Variants in LRFN2 observed in about 807,000 individuals in gnomAD.
LRFN2 encodes leucine rich repeat and fibronectin type III domain containing 2, also known as leucine-rich repeat and fibronectin type-III domain-containing protein 2.
Under a neutral mutation model 37.3 loss-of-function variants are expected in LRFN2, and 18 were observed. That is an observed-to-expected ratio of 0.48 (90% CI 0.33 to 0.72). The LOEUF is 0.72. LRFN2 is among the 30% of genes least tolerant of loss of function. LRFN2 has a pLI of 0.02. For missense variants in LRFN2, 1,006 were observed against 1,060.7 expected (o/e 0.95, Z 0.72); for synonymous variants, 556 against 466.6 (o/e 1.19, Z -2.47).
chr6:40,578,410 T>C (rs1184240708), intron 1 of LRFN2, among the ~76,000 whole-genome samples: 1 of 152,184 alleles, frequency 6.6e-6, no homozygotes, highest in Non-Finnish European at 1.5e-5. Context: ...TAAGGTACAA[T>C]GAAAACCCCA....
chr6:40,523,350 C>T (rs1226456261), intron 1 of LRFN2, among the ~76,000 whole-genome samples: 1 of 152,072 alleles, frequency 6.6e-6, no homozygotes, highest in Non-Finnish European at 1.5e-5. Context: ...GGGTTTCACG[C>T]AAAATGGGGC....
At chr6:40,452,100 G>A (rs1764123966) in intron 1 of LRFN2, among the ~76,000 whole-genome samples, 1 of 152,112 alleles carries the variant, frequency 6.6e-6, no homozygotes. Context: ...AAAAGGCCAG[G>A]GGCACTAGTA....
chr6:40,401,303 G>A (rs1762735489), intron 2 of LRFN2, among the ~76,000 whole-genome samples: 3 of 152,126 alleles, frequency 2.0e-5, no homozygotes, highest in African/African-American at 7.2e-5. Flanking sequence ...TCTGGCTAAA[G>A]GGATGTGGAG....
At chr6:40,547,046 C>T (rs1042536712) in intron 1 of LRFN2, among the ~76,000 whole-genome samples, 7 of 150,870 alleles carry the variant, frequency 4.6e-5, no homozygotes, top group African/African-American at 1.7e-4. Flanking sequence ...CTGCAGCTAT[C>T]ATATTTTACG....
chr6:40,571,418 T>C (rs1767184283), intron 1 of LRFN2, among the ~76,000 whole-genome samples: 1 of 152,166 alleles, frequency 6.6e-6, no homozygotes, highest in Non-Finnish European at 1.5e-5. Flanking sequence ...GAGCCCCTCC[T>C]CTGACACCCA....
At chr6:40,491,057 T>C (rs934553980) in intron 1 of LRFN2, among the ~76,000 whole-genome samples, 1 of 152,128 alleles carries the variant, frequency 6.6e-6, no homozygotes, top group Non-Finnish European at 1.5e-5. Context: ...AGGGAAGCCA[T>C]GGCGGTGGAG....
intron 1 of LRFN2, among the ~76,000 whole-genome samples, chr6:40,518,374 G>C (rs1046247931): frequency 1.6e-4 from 25 of 152,178 alleles, no homozygotes; most frequent in African/African-American, 6.0e-4. Context: ...CTTTCCAGAG[G>C]GGAAAACTGA....
chr6:40,561,555 T>G (rs1766995013), intron 1 of LRFN2, among the ~76,000 whole-genome samples: 1 of 152,204 alleles, frequency 6.6e-6, no homozygotes, highest in Non-Finnish European at 1.5e-5. Context: ...GGCTGGCTGC[T>G]GTGGATCTTG....
chr6:40,438,326 T>C (rs1465563410), intron 1 of LRFN2, among the ~76,000 whole-genome samples: 2 of 152,102 alleles, frequency 1.3e-5, no homozygotes, highest in Non-Finnish European at 2.9e-5. Flanking sequence ...CCCCACAAGG[T>C]GAGTGCCACC....
chr6:40,452,499 T>C (rs533061344), intron 1 of LRFN2, among the ~76,000 whole-genome samples: 11 of 152,336 alleles, frequency 7.2e-5, no homozygotes, highest in African/African-American at 1.9e-4. Context: ...GGATTATTAC[T>C]TCAGAGCATC....
chr6:40,410,564 G>T (rs1762945001), intron 2 of LRFN2, among the ~76,000 whole-genome samples: 1 of 152,102 alleles, frequency 6.6e-6, no homozygotes, highest in Admixed American at 6.5e-5. Context: ...AGTTATATGA[G>T]GATCAGAAGT....
At chr6:40,452,966 C>T (rs563508907) in intron 1 of LRFN2, among the ~76,000 whole-genome samples, 49 of 152,292 alleles carry the variant, frequency 3.2e-4, no homozygotes, top group African/African-American at 5.1e-4. Context: ...TTGTAGCCTC[C>T]GGCAACTTAT....
At chr6:40,420,774 C>A (rs1406413370) in intron 2 of LRFN2, among the ~76,000 whole-genome samples, 2 of 152,204 alleles carry the variant, frequency 1.3e-5, no homozygotes, top group Non-Finnish European at 2.9e-5. Flanking sequence ...GTGGTTGGTG[C>A]CTGTCTTAGT....
At chr6:40,494,257 G>A (rs966576812) in intron 1 of LRFN2, among the ~76,000 whole-genome samples, 3 of 152,274 alleles carry the variant, frequency 2.0e-5, no homozygotes, top group South Asian at 4.1e-4. Context: ...CAAATCAGGG[G>A]CATTGGACCA....
At chr6:40,536,940 A>G (rs761131) in intron 1 of LRFN2, among the ~76,000 whole-genome samples, 81,581 of 152,088 alleles carry the variant, frequency 0.54, 23,162 homozygotes, top group African/African-American at 0.73. Flanking sequence ...CAGGCTTTAC[A>G]CCTCCAAGCT....
chr6:40,459,783 A>T (rs1015037985), intron 1 of LRFN2, among the ~76,000 whole-genome samples: 4 of 152,198 alleles, frequency 2.6e-5, no homozygotes, highest in Non-Finnish European at 4.4e-5. Context: ...GTTTGGATGG[A>T]GGGAGGACCT....
intron 1 of LRFN2, among the ~76,000 whole-genome samples, chr6:40,509,203 T>C (rs573173881): frequency 2.0e-4 from 31 of 152,364 alleles, no homozygotes; most frequent in African/African-American, 7.5e-4. Flanking sequence ...CAAATTCTGA[T>C]AGAACCTCTC....
intron 2 of LRFN2, among the ~76,000 whole-genome samples, chr6:40,394,875 G>T (rs1762581135): frequency 6.6e-6 from 1 of 151,754 alleles, no homozygotes; most frequent in Non-Finnish European, 1.5e-5. Context: ...CAGGTGAGAT[G>T]TGCCTTTCAC....
chr6:40,413,267 C>T (rs1386911843), intron 2 of LRFN2, among the ~76,000 whole-genome samples: 1 of 152,200 alleles, frequency 6.6e-6, no homozygotes, highest in African/African-American at 2.4e-5. Flanking sequence ...GGGTCAACAG[C>T]CCAGCTGTGA....
Sources: allele counts gnomAD v4.1 joint callset (sites outside exome capture counted in the v4.1 genomes callset), GRCh38; gene constraint gnomAD v4.1.1; transcripts MANE v1.5; gene names NCBI Gene and HGNC (gene_info 2026-07-23, HGNC 2026-07-21).